WWC1: variants seen among roughly 807,000 people sequenced by gnomAD.
The protein encoded by WWC1 is WW and C2 domain containing 1.
WWC1 carries 55 observed loss-of-function variants against 138.4 expected under a neutral mutation model. The ratio of observed to expected loss-of-function variants is 0.40; its 90% CI spans 0.32 to 0.50. The LOEUF (loss-of-function observed/expected upper bound fraction) is 0.50, where lower values mean the gene tolerates loss of function less well. Among genes scored for constraint, WWC1 ranks in the 20% least tolerant of loss-of-function variants. The pLI is 0.72. For synonymous variants in WWC1, 524 were observed against 564.9 expected (o/e 0.93, Z 1.03); for missense variants, 1,226 against 1,420.4 (o/e 0.86, Z 2.20).
chr5:168,458,879 A>T (rs191678055), intron 19 of WWC1, among the ~76,000 whole-genome samples: 72 of 152,324 alleles, frequency 4.7e-4, no homozygotes, highest in Non-Finnish European at 8.1e-4. Context: ...AACAACTACA[A>T]CTTAAGGATC....
At chr5:168,450,207 A>C (rs1481118356) in intron 17 of WWC1, among the ~76,000 whole-genome samples, 1 of 152,184 alleles carries the variant, frequency 6.6e-6, no homozygotes, top group East Asian at 1.9e-4. Context: ...ATAAATTACT[A>C]CTTAACAAAT....
At chr5:168,410,129 T>A in intron 8 of WWC1, 134 bp downstream of exon 8, 1 of 887,596 alleles carries the variant, frequency 1.1e-6, no homozygotes. Context: ...ATAGTTATTA[T>A]ACTTTTTATA....
intron 5 of WWC1, among the ~76,000 whole-genome samples, chr5:168,400,538 T>G (rs943775731): frequency 6.6e-6 from 1 of 152,230 alleles, no homozygotes; most frequent in African/African-American, 2.4e-5. Flanking sequence ...CTGCAGTGTT[T>G]CCATGCAGGT....
intron 1 of WWC1, among the ~76,000 whole-genome samples, chr5:168,358,523 C>T (rs1459204767): frequency 6.6e-6 from 1 of 152,192 alleles, no homozygotes; most frequent in East Asian, 1.9e-4. Context: ...CACAGCCACT[C>T]AGTAGTATAG....
chr5:168,406,483 G>A (rs1042141295), intron 6 of WWC1, among the ~76,000 whole-genome samples, 156 bp downstream of exon 6: 4 of 152,150 alleles, frequency 2.6e-5, no homozygotes, highest in East Asian at 1.9e-4. Context: ...AGAGGAGGAC[G>A]TGGAGGCTCA....
intron 1 of WWC1, among the ~76,000 whole-genome samples, chr5:168,365,738 C>A (rs191828836): frequency 6.9e-4 from 105 of 152,270 alleles, no homozygotes; most frequent in Non-Finnish European, 1.3e-3. Context: ...GTCTCCACAG[C>A]GACACATCTG....
chr5:168,457,435 A>T (rs1360042799), intron 19 of WWC1, among the ~76,000 whole-genome samples: 4 of 151,998 alleles, frequency 2.6e-5, no homozygotes. Context: ...CTGTGCCTCC[A>T]CCCTGCCCCC....
At chr5:168,454,245 A>T in intron 18 of WWC1, 145 bp downstream of exon 18, 1 of 1,257,120 alleles carries the variant, frequency 8.0e-7, no homozygotes. Flanking sequence ...CCTTTGGGTC[A>T]TTCTGGTGAT....
At chr5:168,411,843 G>A (rs917642281) in intron 8 of WWC1, 5 of 336,118 alleles carry the variant, frequency 1.5e-5, no homozygotes, top group Non-Finnish European at 2.1e-5. Flanking sequence ...GGCATGCGTC[G>A]TGTTTCCAGT....
intron 1 of WWC1, among the ~76,000 whole-genome samples, chr5:168,302,382 G>A (rs1040618348): frequency 6.6e-6 from 1 of 152,198 alleles, no homozygotes; most frequent in African/African-American, 2.4e-5. Flanking sequence ...CTGCAATGGG[G>A]TGTGCACGCG....
chr5:168,326,700 A>C (rs991338678), intron 1 of WWC1, among the ~76,000 whole-genome samples: 3 of 151,288 alleles, frequency 2.0e-5, no homozygotes, highest in Admixed American at 2.0e-4. Context: ...ACGCGCCACC[A>C]TGCTAATTTT....
At chr5:168,423,149 C>CAAAAAAAAAAAAAA (rs773855632) in intron 10 of WWC1, among the ~76,000 whole-genome samples, 1 of 71,310 alleles carries the variant, frequency 1.4e-5, no homozygotes, top group Non-Finnish European at 2.5e-5. Context: ...CATCCCCCCC[C>CAAAAAAAAAAAAAA]AAAAAAAAAA....
At chr5:168,297,626 C>CAAAAAAAA (rs70976474) in intron 1 of WWC1, among the ~76,000 whole-genome samples, 14 of 54,770 alleles carry the variant, frequency 2.6e-4, no homozygotes, top group Non-Finnish European at 4.4e-4. Flanking sequence ...AACTCCATCT[C>CAAAAAAAA]AAAAAAAAAA....
At position 168,438,658 on chromosome 5, in the gene WWC1, G is replaced by A. The variant is rs115942835; in HGVS notation, c.2281-3024G>A. Among the ~76,000 whole-genome samples the A allele has an allele frequency of 9.1e-3, 1,287 of 141,066 alleles. 9 individuals carry two copies. The highest frequency in any genetic ancestry group is 0.024 in the South Asian group (105 of 4,342). The allele number at this position is 141,066 out of a possible 152,430, so 92.5% of individuals were successfully genotyped here. A position where few individuals can be genotyped will look rare whatever the true frequency, so the allele number is the denominator to read the frequency against. On this transcript the variant is annotated intron_variant, in intron 15 of 22. Coordinates refer to ENST00000265293, the MANE Select transcript of WWC1 (RefSeq NM_015238.3). ...AGCACAGAGTCTGGTTCCACCCACC[G>A]ACACTGGTGTGTTAGGGGAAGGTGA...
chr5:168,352,657 C>G (rs1353065542), intron 1 of WWC1, among the ~76,000 whole-genome samples: 1 of 151,244 alleles, frequency 6.6e-6, no homozygotes, highest in East Asian at 1.9e-4. Flanking sequence ...GATCTCGGCT[C>G]GCTGCAACCT....
At chr5:168,465,057 A>G (rs1052422538) in intron 21 of WWC1, 95 bp downstream of exon 21, 47 of 1,483,294 alleles carry the variant, frequency 3.2e-5, no homozygotes, top group Non-Finnish European at 3.9e-5. Flanking sequence ...CTCATGATGC[A>G]TCCTACAATT....
At chr5:168,336,598 A>G (rs1299207904) in intron 1 of WWC1, among the ~76,000 whole-genome samples, 1 of 148,474 alleles carries the variant, frequency 6.7e-6, no homozygotes, top group African/African-American at 2.5e-5. Context: ...AAAAAAAACA[A>G]TACCTTGTGA....
intron 1 of WWC1, among the ~76,000 whole-genome samples, chr5:168,320,798 C>T (rs1772004535): frequency 6.6e-6 from 1 of 151,980 alleles, no homozygotes; most frequent in African/African-American, 2.4e-5. Context: ...TGTCAAGGGG[C>T]AGAAGAACAG....
chr5:168,332,655 T>C (rs1773130859), intron 1 of WWC1, among the ~76,000 whole-genome samples: 1 of 152,096 alleles, frequency 6.6e-6, no homozygotes, highest in African/African-American at 2.4e-5. Flanking sequence ...AGGGAAAAGT[T>C]TCTTGTTACT....
Sources: allele counts gnomAD v4.1 joint callset (sites outside exome capture counted in the v4.1 genomes callset), GRCh38; gene constraint gnomAD v4.1.1; transcripts MANE v1.5; gene names NCBI Gene and HGNC (gene_info 2026-07-23, HGNC 2026-07-21).